Variants in NPHP3 observed in about 807,000 individuals in gnomAD.
NPHP3 encodes the protein nephrocystin 3.
Under a neutral mutation model 171.9 loss-of-function variants are expected in NPHP3, and 123 were observed. The observed-to-expected ratio is 0.72, with a 90% CI of 0.62 to 0.83. The LOEUF (loss-of-function observed/expected upper bound fraction) is 0.83, where lower values mean the gene tolerates loss of function less well. Among genes scored for constraint, NPHP3 ranks in the 40% least tolerant of loss-of-function variants. The probability of loss-of-function intolerance (pLI) is 0.00; values close to 1 mark genes in which losing one functional copy is unlikely to be tolerated. For missense variants in NPHP3, 1,506 were observed against 1,591.9 expected, an observed-to-expected ratio of 0.95 and a Z score of 0.92; for synonymous variants, 558 against 579.2, an observed-to-expected ratio of 0.96 and a Z score of 0.52.
intron 13 of NPHP3, among the ~76,000 whole-genome samples, chr3:132,698,970 G>A (rs1382696386): frequency 6.6e-6 from 1 of 152,024 alleles, no homozygotes; most frequent in Non-Finnish European, 1.5e-5. Flanking sequence ...TCTGCTCACT[G>A]CAACCTCTGC....
chr3:132,719,806 T>A lies in NPHP3; in HGVS notation c.418A>T (p.Ile140Leu), dbSNP rs1940156890. 1 of 1,596,802 alleles carries A rather than the reference T, an allele frequency of 6.3e-7. No homozygotes were observed. The highest frequency in any genetic ancestry group is 1.1e-5 in the South Asian group (1 of 88,364). The change falls in exon 2 of 27, where the codon ATA becomes TTA. Residue 140 changes from isoleucine (I) to leucine (L), a missense_variant. By Grantham distance (5) the Ile-to-Leu change is conservative. Transcript: ENST00000337331. ...AAAGCACTTTCTTTTTCTCGAAGTA[T>A]CTTCTGATACGTTTTTTGAAGTGCC... ...LQALQKTYQK[I>L]LREKESALEA...
intron 3 of NPHP3, among the ~76,000 whole-genome samples, chr3:132,718,310 T>C (rs1297296896): frequency 6.6e-6 from 1 of 152,228 alleles, no homozygotes; most frequent in Admixed American, 6.5e-5. Context: ...TGTAAACCCT[T>C]TCACTCTGTG....
Position 132,687,217 on chromosome 3 carries a change from T to A in NPHP3, c.3135A>T (p.Gln1045His). The A allele has an allele frequency of 7.3e-7, 1 of 1,362,052 alleles. No homozygotes were observed. The allele number at this position is 1,362,052 out of a possible 1,614,324, so 84.4% of individuals were successfully genotyped here. A position where few individuals can be genotyped will look rare whatever the true frequency, so the allele number is the denominator to read the frequency against. Reference protein sequence around the residue: ...TLYQKQNKYEQAEHFRKKSFK... With the variant: ...TLYQKQNKYEHAEHFRKKSFK... ...AGGATTTTTTCCTAAAATGTTCAGCTTGTTCATATCTTAAAAAAAAATTAC... is the reference window on the plus strand; with the variant it reads ...AGGATTTTTTCCTAAAATGTTCAGCATGTTCATATCTTAAAAAAAAATTAC... Residue 1045 changes from glutamine to histidine, a missense_variant, in exon 22 of 27, where the codon CAA (glutamine) becomes CAT (histidine). Physicochemically the swap from Gln to His is conservative, Grantham distance 24 (BLOSUM62 0). Transcript: ENST00000337331.
intron 14 of NPHP3, 24 bp from the exon 15 acceptor site, chr3:132,696,837 C>T: frequency 6.2e-7 from 1 of 1,602,654 alleles, no homozygotes; most frequent in Non-Finnish European, 8.5e-7. Context: ...CCAAGAAAAA[C>T]AAAACAGAAA....
In NPHP3 at chr3:132,681,823, A is replaced by AT; in HGVS notation, c.*86dup. 3 of 1,273,682 alleles carry AT rather than the reference A, an allele frequency of 2.4e-6. No individual in the cohort carries two copies. The highest frequency in any genetic ancestry group is 2.3e-6 in the Non-Finnish European group (2 of 878,078). 78.9% of individuals were successfully genotyped at this position (1,273,682 alleles called of 1,614,324 possible). ...CACACGTAGTAAAATTTCGTACAACATTTTTTTAAAGTTTCAAATTCAAAT... is the reference window on the plus strand; with the variant it reads ...CACACGTAGTAAAATTTCGTACAACATTTTTTTTAAAGTTTCAAATTCAAAT... On this transcript the variant is annotated 3_prime_UTR_variant, in exon 27 of 27. Coordinates refer to ENST00000337331, the MANE Select transcript of NPHP3 (RefSeq NM_153240.5).
At position 132,719,156 on chromosome 3, in the gene NPHP3, A is replaced by AT. The variant is rs1560017324; in HGVS notation, c.520-13dup. 1 of 1,587,552 alleles carries AT rather than the reference A, an allele frequency of 6.3e-7. No individual in the cohort carries two copies. Among genetic ancestry groups the AT allele is most frequent in the East Asian group, 2.2e-5 (1 of 44,722 alleles). The stretch of plus-strand genomic sequence containing the variant: ...GTCTCCCTAAAAATCTTTAAAAAGA[A>AT]TAATTTTAATGTTGAAAGCTTTTTC... On this transcript the variant is annotated splice_polypyrimidine_tract_variant and intron_variant, in intron 2 of 26. Coordinates refer to ENST00000337331, the MANE Select transcript of NPHP3 (RefSeq NM_153240.5).
At chr3:132,699,539 ATTAAGT>A in intron 12 of NPHP3, 89 bp from the exon 13 acceptor site, 4 of 895,472 alleles carry the variant, frequency 4.5e-6, no homozygotes, top group Non-Finnish European at 7.0e-6. Context: ...TGAAATTCTC[ATTAAGT>A]TTATCTTATT....
intron 23 of NPHP3, chr3:132,684,997 G>A (rs1939120206): frequency 3.5e-6 from 2 of 568,350 alleles, no homozygotes; most frequent in African/African-American, 1.9e-5. Flanking sequence ...GGCCTAAAAT[G>A]TGTGGATGAT....
intron 12 of NPHP3, 104 bp from the exon 13 acceptor site, chr3:132,699,554 T>C (rs1939549494): frequency 2.4e-6 from 2 of 833,246 alleles, no homozygotes; most frequent in Admixed American, 2.4e-5. Flanking sequence ...GTTTATCTTA[T>C]TAAGGATAAA....
At chr3:132,710,432 C>T (rs1939878036) in intron 6 of NPHP3, among the ~76,000 whole-genome samples, 1 of 151,808 alleles carries the variant, frequency 6.6e-6, no homozygotes, top group Admixed American at 6.6e-5. Context: ...GGCACGGAAG[C>T]CTCCCCATCC....
At position 132,715,206 on chromosome 3, in the gene NPHP3, A is replaced by C; in HGVS notation, c.836T>G (p.Ile279Ser). 2 of 1,611,900 alleles carry C rather than the reference A, an allele frequency of 1.2e-6. 1 individual carries two copies. The highest frequency in any genetic ancestry group is 2.2e-5 in the South Asian group (2 of 91,034). The change falls in exon 5 of 27, where the codon ATT becomes AGT. Residue 279 changes from isoleucine to serine, a missense_variant. Ile to Ser is a moderately radical substitution (Grantham distance 142, BLOSUM62 -2). This residue lies in a region of NPHP3 where 930 missense variants were observed against 924.9 expected (regional missense o/e 1.01). Coordinates refer to ENST00000337331, the MANE Select transcript of NPHP3 (RefSeq NM_153240.5). ...FANVNRDDWDIAVASLLQVTP... is the reference protein window; with the variant it reads ...FANVNRDDWDSAVASLLQVTP... ...AACTTGTAATAAACTAGCTACAGCA[A>C]TATCCCAGTCATCTGAAAATAAAAT...
At chr3:132,714,738 A>C (rs1278873981) in intron 5 of NPHP3, among the ~76,000 whole-genome samples, 2 of 152,142 alleles carry the variant, frequency 1.3e-5, no homozygotes, top group Non-Finnish European at 2.9e-5. Context: ...CAAAACAAGC[A>C]AACAAACACA....
chr3:132,716,251 T>G (rs199673528), intron 4 of NPHP3, among the ~76,000 whole-genome samples: 24 of 152,332 alleles, frequency 1.6e-4, no homozygotes, highest in Admixed American at 1.2e-3. Context: ...TATACTGTAT[T>G]GTTTCTTATT....
intron 22 of NPHP3, 104 bp downstream of exon 22, chr3:132,687,047 G>T: frequency 1.6e-6 from 1 of 638,596 alleles, no homozygotes; most frequent in Non-Finnish European, 2.8e-6. Flanking sequence ...TAAAAAACTA[G>T]AAGATTTTAA....
Position 132,692,700 on chromosome 3 carries a change from C to G in NPHP3, c.2429G>C (p.Cys810Ser). Residue 810 changes from cysteine (C) to serine (S), a missense_variant, in exon 17 of 27, where the codon TGT (cysteine) becomes TCT (serine). Transcript: ENST00000337331. ...CAAGCCACATCCATAAGTCAACAAA[C>G]ACATTTTGTATAAACTGTGAATAAG... ...TSLIHSLYKM[C>S]LLTYGCGLLR... The G allele has an allele frequency of 1.2e-6, 2 of 1,614,024 alleles. No homozygotes were observed. Among genetic ancestry groups the G allele is most frequent in the Non-Finnish European group, 1.7e-6 (2 of 1,179,948 alleles).
At chr3:132,689,405 A>G in intron 19 of NPHP3, 142 bp from the exon 20 acceptor site, 6 of 841,134 alleles carry the variant, frequency 7.1e-6, no homozygotes, top group Non-Finnish European at 1.2e-5. Context: ...CAGACCACTC[A>G]CTATCTGAAT....
At position 132,697,334 on chromosome 3, in the gene NPHP3, A is replaced by T. The variant is rs574794102; in HGVS notation, c.2014T>A (p.Leu672Ile). The change falls in exon 14 of 27, where the codon TTA (leucine) becomes ATA (isoleucine). Residue 672 changes from leucine to isoleucine, a missense_variant. This residue lies in a region of NPHP3 where 930 missense variants were observed against 924.9 expected (regional missense o/e 1.01). Transcript: ENST00000337331. ...RLWPTLHLDP[L>I]SPKDAKSIII... ...ATAGATTTTGCATCTTTTGGACTTA[A>T]GGGATCAAGATGAAGTGTAGGCCAC... The T allele has an allele frequency of 5.0e-6, 8 of 1,611,878 alleles. No individual in the cohort carries two copies. In the South Asian group the frequency reaches 8.8e-5, roughly 18 times the overall value.
At position 132,684,809 on chromosome 3, in the gene NPHP3, C is replaced by T. The variant is rs747750959; in HGVS notation, c.3330-15G>A. On this transcript the variant is annotated splice_polypyrimidine_tract_variant and intron_variant, in intron 23 of 26. Transcript: ENST00000337331. Reference sequence around the variant, plus strand: ...GGTCAGCTGTTCTGTGAACACAATCCCAAAATGGCTTAAACTATCTATTTT... The same window carrying T: ...GGTCAGCTGTTCTGTGAACACAATCTCAAAATGGCTTAAACTATCTATTTT... 1 of 1,611,554 alleles carries T rather than the reference C, an allele frequency of 6.2e-7. No homozygotes were observed. Among genetic ancestry groups the T allele is most frequent in the Non-Finnish European group, 8.5e-7 (1 of 1,179,912 alleles).
intron 24 of NPHP3, among the ~76,000 whole-genome samples, chr3:132,684,268 T>C (rs1232145518): frequency 6.6e-6 from 1 of 152,226 alleles, no homozygotes; most frequent in African/African-American, 2.4e-5. Context: ...TAAGTTTGAA[T>C]TAGAATGCTA....
Sources: gnomAD v4.1 joint callset for allele counts (sites outside exome capture counted in the v4.1 genomes callset) on GRCh38, gnomAD v4.1.1 for gene constraint, gnomAD v4.1.1 regional missense constraint, MANE v1.5 for transcripts, NCBI Gene and HGNC (gene_info 2026-07-23, HGNC 2026-07-21) for gene names.